NPAS3: variants seen among roughly 807,000 people sequenced by gnomAD.
The protein encoded by NPAS3 is neuronal PAS domain protein 3.
Under a neutral mutation model 73.1 loss-of-function variants are expected in NPAS3, and 14 were observed. That is an observed-to-expected ratio of 0.19 (90% CI 0.13 to 0.30). The LOEUF (loss-of-function observed/expected upper bound fraction) is 0.30, where lower values mean the gene tolerates loss of function less well. Ranked by LOEUF, NPAS3 falls within the 10% of genes least tolerant of loss-of-function variation. The pLI is 1.00. For synonymous variants in NPAS3, 620 were observed against 541.5 expected (o/e 1.14, Z -2.01); for missense variants, 1,096 against 1,250.0 (o/e 0.88, Z 1.86).
chr14:33,680,064 A>G (rs1256565682), intron 6 of NPAS3, among the ~76,000 whole-genome samples: 2 of 152,208 alleles, frequency 1.3e-5, no homozygotes, highest in African/African-American at 2.4e-5. Context: ...AGGCTCCCGC[A>G]GTATGAGGAG....
rs563709817 is a variant in NPAS3 at position 33,531,071 on chromosome 14, G to A, written c.469-29050G>A. ...GTTTTGTTCTGTTTTGTTCTTTTATGTGTTTGAAGATGTCTGAGAAGACTA... is the reference window on the plus strand; with the variant it reads ...GTTTTGTTCTGTTTTGTTCTTTTATATGTTTGAAGATGTCTGAGAAGACTA... On this transcript the variant is annotated intron_variant, in intron 4 of 11. Coordinates refer to ENST00000356141, the Ensembl canonical transcript of NPAS3. 3.3e-5 allele frequency among the ~76,000 whole-genome samples: 5 copies of A among 152,174 alleles called. No individual in the cohort carries two copies. In the South Asian group the frequency reaches 1.0e-3, roughly 32 times the overall value.
chr14:33,094,559 G>A (rs937026976), intron 2 of NPAS3, among the ~76,000 whole-genome samples: 16 of 150,818 alleles, frequency 1.1e-4, no homozygotes, highest in African/African-American at 3.4e-4. Flanking sequence ...TCCACCTCTT[G>A]GGTTCAAGGT....
At chr14:33,140,092 C>T (rs2043990991) in intron 2 of NPAS3, among the ~76,000 whole-genome samples, 1 of 152,062 alleles carries the variant, frequency 6.6e-6, no homozygotes, top group Admixed American at 6.6e-5. Context: ...TTTCGGTAGG[C>T]CTATGATGAA....
At chr14:33,112,590 C>T (rs907023993) in intron 2 of NPAS3, among the ~76,000 whole-genome samples, 3 of 152,082 alleles carry the variant, frequency 2.0e-5, no homozygotes, top group Non-Finnish European at 4.4e-5. Context: ...GAGTAGATTG[C>T]AAAAATTTTC....
At chr14:33,332,296 T>C (rs1159814509) in intron 3 of NPAS3, among the ~76,000 whole-genome samples, 21 of 152,218 alleles carry the variant, frequency 1.4e-4, no homozygotes, top group Admixed American at 1.4e-3. Flanking sequence ...ATGATACTTA[T>C]CTTTACAAAG....
At chr14:33,675,428 T>TTCTC (rs1309927345) in intron 5 of NPAS3, among the ~76,000 whole-genome samples, 1 of 152,218 alleles carries the variant, frequency 6.6e-6, no homozygotes, top group African/African-American at 2.4e-5. Context: ...TTGATATTCA[T>TTCTC]TCTCTGCCTT....
chr14:33,639,379 A>G (rs897290131), intron 5 of NPAS3, among the ~76,000 whole-genome samples: 3 of 152,218 alleles, frequency 2.0e-5, no homozygotes, highest in African/African-American at 7.2e-5. Context: ...AATCTAAAAA[A>G]AAATTGTCTA....
chr14:33,659,704 C>A (rs1354562283), intron 5 of NPAS3, among the ~76,000 whole-genome samples: 1 of 151,882 alleles, frequency 6.6e-6, no homozygotes. Context: ...GAAACCATAC[C>A]TTTAATAATC....
At chr14:33,628,790 T>C (rs533801853) in intron 5 of NPAS3, among the ~76,000 whole-genome samples, 15 of 152,302 alleles carry the variant, frequency 9.8e-5, no homozygotes, top group Non-Finnish European at 2.1e-4. Flanking sequence ...CTCCTGGGTA[T>C]TGAGAGAGTA....
At chr14:32,934,978 C>T, upstream of NPAS3, 1 of 1,332,294 alleles carries the variant, frequency 7.5e-7, no homozygotes, top group East Asian at 3.2e-5. The surrounding 1 kb of genome is among the most constrained non-coding windows in gnomAD (Gnocchi z 4.1). Flanking sequence ...GCAGAACGTC[C>T]AGGGCATCAC....
chr14:33,622,695 A>G (rs2140100715), intron 5 of NPAS3, among the ~76,000 whole-genome samples: 1 of 152,300 alleles, frequency 6.6e-6, no homozygotes, highest in Admixed American at 6.5e-5. Context: ...AATATGGTGC[A>G]TGTGGTTTAT....
At chr14:33,594,914 G>A (rs2139965527) in intron 5 of NPAS3, among the ~76,000 whole-genome samples, 1 of 152,218 alleles carries the variant, frequency 6.6e-6, no homozygotes, top group East Asian at 1.9e-4. Context: ...AGTATTATAA[G>A]GGGAAAAGAA....
intron 3 of NPAS3, among the ~76,000 whole-genome samples, chr14:33,323,540 GT>G (rs1287247538): frequency 2.6e-5 from 4 of 152,156 alleles, no homozygotes; most frequent in Non-Finnish European, 5.9e-5. Flanking sequence ...AACTTTGTAT[GT>G]TATGTTTCTT....
At chr14:33,399,234 G>A (rs1442734073) in intron 4 of NPAS3, among the ~76,000 whole-genome samples, 2 of 152,076 alleles carry the variant, frequency 1.3e-5, no homozygotes, top group African/African-American at 4.8e-5. Flanking sequence ...ACATACACTT[G>A]CTTTTCATTA....
At chr14:33,624,876 C>G (rs911572032) in intron 5 of NPAS3, among the ~76,000 whole-genome samples, 2 of 152,080 alleles carry the variant, frequency 1.3e-5, no homozygotes, top group Non-Finnish European at 2.9e-5. Context: ...CTGCCTACTC[C>G]TTACATGTGT....
At chr14:33,216,158 TAAGGGTATTCTATTC>T (rs1169457198) in intron 3 of NPAS3, among the ~76,000 whole-genome samples, 1 of 152,190 alleles carries the variant, frequency 6.6e-6, no homozygotes, top group Non-Finnish European at 1.5e-5. Flanking sequence ...TTTCTGTCTT[TAAGGGTATTCTATTC>T]AAGGTGTATG....
chr14:33,523,525 G>A (rs2053654077), intron 4 of NPAS3, among the ~76,000 whole-genome samples: 1 of 151,476 alleles, frequency 6.6e-6, no homozygotes, highest in Admixed American at 6.6e-5. Flanking sequence ...CACTTTGGGA[G>A]GCTGAGGCAG....
chr14:33,374,367 T>C (rs1434661266), intron 4 of NPAS3, among the ~76,000 whole-genome samples: 2 of 152,146 alleles, frequency 1.3e-5, no homozygotes, highest in African/African-American at 4.8e-5. Context: ...TAATCACACT[T>C]TGAAGATTGG....
At chr14:33,161,831 G>A (rs1595579262) in intron 2 of NPAS3, among the ~76,000 whole-genome samples, 1 of 152,236 alleles carries the variant, frequency 6.6e-6, no homozygotes, top group African/African-American at 2.4e-5. Context: ...AGTAGGGGTT[G>A]AGGTAGAGAC....
Sources: gnomAD v4.1 joint callset for allele counts (sites outside exome capture counted in the v4.1 genomes callset) on GRCh38, gnomAD v4.1.1 for gene constraint, Gnocchi (gnomAD v3.1) non-coding constraint, MANE v1.5 for transcripts, NCBI Gene and HGNC (gene_info 2026-07-23, HGNC 2026-07-21) for gene names.